Variants in A2M observed in about 807,000 individuals in gnomAD.
The protein encoded by A2M is C3 and PZP-like alpha-2-macroglobulin domain-containing protein 5.
A2M carries 128 observed loss-of-function variants against 183.9 expected under a neutral mutation model. The observed-to-expected ratio is 0.70, with a 90% CI of 0.60 to 0.81. A2M has a LOEUF of 0.81. A2M is among the 30% of genes least tolerant of loss of function. The pLI is 0.00. For missense variants in A2M, 1,495 were observed against 1,787.6 expected, an observed-to-expected ratio of 0.84 and a Z score of 2.95; for synonymous variants, 592 against 670.8, an observed-to-expected ratio of 0.88 and a Z score of 1.81.
chr12:9,106,694 G>A, intron 8 of A2M, 89 bp from the exon 9 acceptor site: 1 of 614,250 alleles, frequency 1.6e-6, no homozygotes, highest in Non-Finnish European at 2.8e-6. Flanking sequence ...TTTTTGTGGG[G>A]GGACAACATC....
At position 9,079,215 on chromosome 12, in the gene A2M, A is replaced by C. The variant is rs1948833384; in HGVS notation, c.3119+29T>G. On this transcript the variant is annotated intron_variant, in intron 25 of 35. Coordinates refer to ENST00000318602, the MANE Select transcript of A2M (RefSeq NM_000014.6). ...CATGTAAAAGAGCTGGCACACAAAAAGAAGCTCAAAAAATTGTTCTTTCCT... is the reference window on the plus strand; with the variant it reads ...CATGTAAAAGAGCTGGCACACAAAACGAAGCTCAAAAAATTGTTCTTTCCT... 3 of 1,585,428 alleles carry C rather than the reference A, an allele frequency of 1.9e-6. No homozygotes were observed. The South Asian group carries it at 3.3e-5, about 18-fold the overall frequency.
chr12:9,084,161 A>C (rs1948988164), intron 22 of A2M, among the ~76,000 whole-genome samples: 1 of 152,208 alleles, frequency 6.6e-6, no homozygotes, highest in Non-Finnish European at 1.5e-5. Flanking sequence ...GGAGTCGTCA[A>C]CATTAGGCCT....
At chr12:9,078,066 T>A (rs7299282) in intron 25 of A2M, among the ~76,000 whole-genome samples, 59,854 of 151,946 alleles carry the variant, frequency 0.39, 12,854 homozygotes, top group African/African-American at 0.55. Flanking sequence ...CAGGGAGTCT[T>A]AGTATATTTA....
At position 9,080,406 on chromosome 12, in the gene A2M, C is replaced by T. The variant is rs780319354; in HGVS notation, c.2771-229G>A. On this transcript the variant is annotated intron_variant, in intron 22 of 35. Transcript: ENST00000318602. The stretch of plus-strand genomic sequence containing the variant: ...ATCTTTTCAGTAATTTATGTAGAAT[C>T]GCATGCCAAATAAGACAACAAATTG... The T allele has an allele frequency of 6.6e-5, 21 of 315,980 alleles. No individual in the cohort carries two copies. In the South Asian group the frequency reaches 1.1e-3, roughly 16 times the overall value. 19.6% of individuals were successfully genotyped at this position (315,980 alleles called of 1,614,324 possible).
chr12:9,069,778 G>A lies in A2M; in HGVS notation c.4230C>T (p.Val1410=), dbSNP rs1162134006. The part of the protein sequence containing the change: ...ERSNHVSRTE[V]SSNHVLIYLD... ...GGTAAATCAAGACATGGTTGCTGCTGACTTCTGTCCGGCTCACATGGTTAG... is the reference window on the plus strand; with the variant it reads ...GGTAAATCAAGACATGGTTGCTGCTAACTTCTGTCCGGCTCACATGGTTAG... The change falls in exon 33 of 36, where the codon GTC becomes GTT. Residue 1410 remains valine, a synonymous_variant. Transcript: ENST00000318602. 6.2e-7 allele frequency: 1 copy of A among 1,612,936 alleles called. No individual in the cohort carries two copies. The highest frequency in any genetic ancestry group is 8.5e-7 in the Non-Finnish European group (1 of 1,179,454).
At position 9,090,371 on chromosome 12, in the gene A2M, T is replaced by G; in HGVS notation, c.2581A>C (p.Thr861Pro). Reference sequence around the variant, plus strand: ...TTTTGCTCACCTAATGACTTTGGGGTTACTGCCCAGGACACAGTTTGCCGC... The same window carrying G: ...TTTTGCTCACCTAATGACTTTGGGGGTACTGCCCAGGACACAGTTTGCCGC... ...NGRQTVSWAV[T>P]PKSLGNVNFT... Residue 861 changes from threonine (T) to proline (P), a missense_variant, in exon 20 of 36, where the codon ACC becomes CCC. Physicochemically the swap from Thr to Pro is conservative, Grantham distance 38. Coordinates refer to ENST00000318602, the MANE Select transcript of A2M (RefSeq NM_000014.6). 6.2e-7 allele frequency: 1 copy of G among 1,613,986 alleles called. No homozygotes were observed. Among genetic ancestry groups the G allele is most frequent in the Non-Finnish European group, 8.5e-7 (1 of 1,179,874 alleles).
chr12:9,080,279 C>T, intron 22 of A2M, 102 bp from the exon 23 acceptor site: 2 of 650,934 alleles, frequency 3.1e-6, no homozygotes, highest in South Asian at 5.6e-5. Flanking sequence ...TATACCTAAA[C>T]TCCTCCTGAA....
In A2M at chr12:9,095,177, GTTAAC is replaced by G. The variant is rs750251403; in HGVS notation, c.2014-98_2014-94del. 495 of 644,014 alleles carry G rather than the reference GTTAAC, an allele frequency of 7.7e-4. 1 individual carries two copies. Among genetic ancestry groups the G allele is most frequent in the African/African-American group, 3.4e-3 (181 of 53,246 alleles). 39.9% of individuals were successfully genotyped at this position (644,014 alleles called of 1,614,324 possible). ...TTTATTGAATTTGACAAGCAATCCA[GTTAAC>G]TTAAATTAAACTTTTAACATTCACA... On this transcript the variant is annotated intron_variant, in intron 16 of 35. Coordinates refer to ENST00000318602, the MANE Select transcript of A2M (RefSeq NM_000014.6).
chr12:9,079,504 CT>C (rs1948843433), intron 24 of A2M, 134 bp downstream of exon 24: 2 of 1,078,180 alleles, frequency 1.9e-6, no homozygotes, highest in African/African-American at 3.2e-5. Flanking sequence ...GGATAGTTTC[CT>C]TGAAATTAAC....
chr12:9,113,306 C>A, intron 2 of A2M, 54 bp downstream of exon 2: 1 of 1,576,644 alleles, frequency 6.3e-7, no homozygotes, highest in South Asian at 1.2e-5. Flanking sequence ...ATACTAGATC[C>A]CTATGACCCT....
At position 9,072,371 on chromosome 12, in the gene A2M, G is replaced by A. The variant is rs749556507; in HGVS notation, c.4091C>T (p.Ser1364Phe). Reference protein sequence around the residue: ...EPKAHTSFQISLSVSYTGSRS... With the variant: ...EPKAHTSFQIFLSVSYTGSRS... ...CAGAAGGTCTTACCTGACACTTAGG[G>A]AGATTTGGAAGCTGGTGTGGGCTTT... The change falls in exon 31 of 36, where the codon TCC becomes TTC. Residue 1364 changes from serine (S) to phenylalanine (F), a missense_variant. By Grantham distance (155) the Ser-to-Phe change is radical. Transcript: ENST00000318602. 4 of 1,613,956 alleles carry A rather than the reference G, an allele frequency of 2.5e-6. No individual in the cohort carries two copies. Among genetic ancestry groups the A allele is most frequent in the Non-Finnish European group, 2.5e-6 (3 of 1,179,880 alleles).
chr12:9,110,642 G>A (rs1938655578), intron 4 of A2M, among the ~76,000 whole-genome samples: 1 of 151,578 alleles, frequency 6.6e-6, no homozygotes, highest in African/African-American at 2.4e-5. Context: ...ATCATGCACT[G>A]CATGCCTGTA....
chr12:9,070,403 G>T, intron 32 of A2M, 85 bp downstream of exon 32: 1 of 879,704 alleles, frequency 1.1e-6, no homozygotes, highest in Non-Finnish European at 1.8e-6. Context: ...GACTTTAATA[G>T]TATTTTGATA....
At chr12:9,073,085 T>C (rs1948630780) in intron 29 of A2M, among the ~76,000 whole-genome samples, 1 of 152,198 alleles carries the variant, frequency 6.6e-6, no homozygotes, top group Admixed American at 6.5e-5. Flanking sequence ...CCTACATGTT[T>C]ATTTTATTTA....
Position 9,101,422 on chromosome 12 carries a change from TCAACGCAGTAA to T in A2M, c.1494+14_1494+24del, listed in dbSNP as rs1215394188. On this transcript the variant is annotated intron_variant, in intron 12 of 35. Coordinates refer to ENST00000318602, the MANE Select transcript of A2M (RefSeq NM_000014.6). ...CAGAGAGCTTTTGTCTACAGTGAAGTCAACGCAGTAACCTCCCTTCTCACCAGATAATAGAA... is the reference window on the plus strand; with the variant it reads ...CAGAGAGCTTTTGTCTACAGTGAAGTCCTCCCTTCTCACCAGATAATAGAA... 2 of 1,586,196 alleles carry T rather than the reference TCAACGCAGTAA, an allele frequency of 1.3e-6. No individual in the cohort carries two copies. The highest frequency in any genetic ancestry group is 2.2e-5 in the South Asian group (2 of 89,112).
intron 20 of A2M, 24 bp from the exon 21 acceptor site, chr12:9,090,047 TG>T (rs1949162756): frequency 6.3e-7 from 1 of 1,577,176 alleles, no homozygotes; most frequent in Non-Finnish European, 8.7e-7. Context: ...CCAGTAGAAA[TG>T]AATAGCATCT....
Position 9,077,372 on chromosome 12 carries a change from G to T in A2M, c.3325C>A (p.Leu1109Ile). 6.2e-7 allele frequency: 1 copy of T among 1,613,628 alleles called. No homozygotes were observed. The highest frequency in any genetic ancestry group is 2.2e-5 in the East Asian group (1 of 44,876). ...VTLSAYITIA[L>I]LEIPLTVTHP... ...GTGACTGTGAGAGGAATCTCCAGAA[G>T]GGCGATGGTGATATAGGCGGAGAGG... The change falls in exon 27 of 36, where the codon CTT (leucine) becomes ATT (isoleucine). Residue 1109 changes from leucine (L) to isoleucine (I), a missense_variant. Coordinates refer to ENST00000318602, the MANE Select transcript of A2M (RefSeq NM_000014.6).
chr12:9,068,371 T>C (rs1948459085), intron 34 of A2M, 147 bp from the exon 35 acceptor site: 1 of 807,510 alleles, frequency 1.2e-6, no homozygotes, highest in Admixed American at 2.6e-5. Flanking sequence ...TCATCTGATG[T>C]GTTGCTTGCT....
intron 1 of A2M, chr12:9,115,535 T>G (rs1412785593): frequency 2.3e-6 from 1 of 427,374 alleles, no homozygotes; most frequent in Non-Finnish European, 4.2e-6. Context: ...AAGCTAAAAA[T>G]TTCTGACACC....
Sources: allele counts gnomAD v4.1 joint callset (sites outside exome capture counted in the v4.1 genomes callset), GRCh38; gene constraint gnomAD v4.1.1; transcripts MANE v1.5; gene names NCBI Gene and HGNC (gene_info 2026-07-23, HGNC 2026-07-21).